The following NXPH1 variants were observed in gnomAD, a reference collection of about 807,000 sequenced individuals.
NXPH1 encodes the protein neurexophilin 1.
NXPH1 carries 5 observed loss-of-function variants against 23.7 expected under a neutral mutation model. The ratio of observed to expected loss-of-function variants is 0.21; its 90% CI spans 0.11 to 0.44. The LOEUF (loss-of-function observed/expected upper bound fraction) is 0.44. Among genes scored for constraint, NXPH1 ranks in the 20% least tolerant of loss-of-function variants. NXPH1 has a pLI of 0.99. For missense variants in NXPH1, 324 were observed against 321.6 expected, an observed-to-expected ratio of 1.01 and a Z score of -0.06; for synonymous variants, 144 against 122.2, an observed-to-expected ratio of 1.18 and a Z score of -1.18.
In NXPH1 at chr7:8,442,638, TCCGCTGACCAAAG is replaced by T. The variant is rs1816322245; in HGVS notation, c.54+6876_54+6888del. 6.6e-6 allele frequency among the ~76,000 whole-genome samples: 1 copy of T among 152,340 alleles called. No individual in the cohort carries two copies. Among genetic ancestry groups the T allele is most frequent in the East Asian group, 1.9e-4 (1 of 5,184 alleles). On this transcript the variant is annotated intron_variant, in intron 2 of 2. Coordinates refer to ENST00000405863, the MANE Select transcript of NXPH1 (RefSeq NM_152745.3). The surrounding 1 kb of genome is among the most constrained non-coding windows in gnomAD (Gnocchi z 4.6). ...TCATACCCTCCCTTCGGAAACTCAGTCCGCTGACCAAAGCCGCAGTGTTCAGGCCCCGGGGTTT... is the reference window on the plus strand; with the variant it reads ...TCATACCCTCCCTTCGGAAACTCAGTCCGCAGTGTTCAGGCCCCGGGGTTT...
intron 2 of NXPH1, among the ~76,000 whole-genome samples, chr7:8,594,280 A>G (rs1282390778): frequency 1.3e-5 from 2 of 152,010 alleles, no homozygotes; most frequent in Non-Finnish European, 2.9e-5. Flanking sequence ...AAGTGTTTTG[A>G]TATTTACCTT....
At chr7:8,626,320 T>C (rs892068881) in intron 2 of NXPH1, among the ~76,000 whole-genome samples, 1 of 152,142 alleles carries the variant, frequency 6.6e-6, no homozygotes, top group Non-Finnish European at 1.5e-5. Flanking sequence ...ACTGCAACTT[T>C]GTTGAACCTC....
rs78985915 is a variant in NXPH1 at position 8,563,348 on chromosome 7, T to C, written c.54+127581T>C. On this transcript the variant is annotated intron_variant, in intron 2 of 2. Transcript: ENST00000405863. ...TTCTGTAGGTTATATTCAGTCATTG[T>C]GTCTGAATTCTTAGAGCTCTTTGAG... Among the ~76,000 whole-genome samples, 489 of 151,896 alleles carry C rather than the reference T, an allele frequency of 3.2e-3. 3 individuals are homozygous for C. Among genetic ancestry groups the C allele is most frequent in the African/African-American group, 0.011 (463 of 41,520 alleles).
chr7:8,525,536 C>A (rs994036830), intron 2 of NXPH1, among the ~76,000 whole-genome samples: 5 of 152,156 alleles, frequency 3.3e-5, no homozygotes, highest in African/African-American at 4.8e-5. Context: ...TGTCAGATAA[C>A]TTCACCGCGG....
intron 2 of NXPH1, among the ~76,000 whole-genome samples, chr7:8,547,677 A>G (rs1818218006): frequency 6.6e-6 from 1 of 151,238 alleles, no homozygotes; most frequent in Non-Finnish European, 1.5e-5. Flanking sequence ...TGGAGTCTCC[A>G]TTGTCTACTA....
chr7:8,528,814 T>C (rs1229843378), intron 2 of NXPH1, among the ~76,000 whole-genome samples: 1 of 152,194 alleles, frequency 6.6e-6, no homozygotes, highest in Admixed American at 6.5e-5. Flanking sequence ...CAGAAGAGAG[T>C]ACATGAGTTT....
At chr7:8,735,938 A>T (rs1780246674) in intron 2 of NXPH1, among the ~76,000 whole-genome samples, 1 of 152,172 alleles carries the variant, frequency 6.6e-6, no homozygotes, top group African/African-American at 2.4e-5. Flanking sequence ...TGTTTATAGT[A>T]TTCTCTAATA....
At chr7:8,451,287 GATA>G (rs1053806261) in intron 2 of NXPH1, among the ~76,000 whole-genome samples, 10 of 152,000 alleles carry the variant, frequency 6.6e-5, no homozygotes, top group African/African-American at 2.4e-4. Context: ...TTGCAATTTG[GATA>G]ATAAGACCCT....
At chr7:8,706,137 A>G (rs934348695) in intron 2 of NXPH1, among the ~76,000 whole-genome samples, 6 of 152,166 alleles carry the variant, frequency 3.9e-5, no homozygotes, top group African/African-American at 1.4e-4. Flanking sequence ...AAGCTATGTC[A>G]ACTTCTGCAG....
intron 2 of NXPH1, among the ~76,000 whole-genome samples, chr7:8,745,169 C>G (rs1430869867): frequency 6.6e-6 from 1 of 152,336 alleles, no homozygotes; most frequent in Admixed American, 6.5e-5. Flanking sequence ...CCCTGGCGTT[C>G]AGCAGTAAGA....
intron 2 of NXPH1, among the ~76,000 whole-genome samples, chr7:8,605,182 G>C (rs903229085): frequency 2.0e-5 from 3 of 152,114 alleles, no homozygotes; most frequent in African/African-American, 7.2e-5. Flanking sequence ...GAAAATGAAA[G>C]GTGATATAAA....
intron 2 of NXPH1, among the ~76,000 whole-genome samples, chr7:8,569,247 A>G (rs1818603363): frequency 6.6e-6 from 1 of 151,836 alleles, no homozygotes; most frequent in African/African-American, 2.4e-5. Context: ...TTCTACATAA[A>G]TGTCATGAGA....
intron 2 of NXPH1, among the ~76,000 whole-genome samples, chr7:8,564,122 G>C (rs1818498758): frequency 6.6e-6 from 1 of 151,682 alleles, no homozygotes; most frequent in Non-Finnish European, 1.5e-5. Flanking sequence ...CATGCTTTTT[G>C]ACTATCTGCT....
chr7:8,457,271 T>C (rs542124345), intron 2 of NXPH1, among the ~76,000 whole-genome samples: 11 of 152,170 alleles, frequency 7.2e-5, no homozygotes, highest in Non-Finnish European at 1.5e-4. Context: ...TGTCTACTTC[T>C]CTGGTCTATG....
chr7:8,469,475 T>G (rs1203865066), intron 2 of NXPH1, among the ~76,000 whole-genome samples: 5 of 152,068 alleles, frequency 3.3e-5, no homozygotes. Context: ...GAGCGTCAAA[T>G]GTATATGTGC....
intron 2 of NXPH1, among the ~76,000 whole-genome samples, chr7:8,514,353 C>T (rs1199916021): frequency 6.6e-6 from 1 of 152,132 alleles, no homozygotes; most frequent in East Asian, 1.9e-4. Flanking sequence ...TTATTTTTCT[C>T]ATTTAAAAAA....
intron 2 of NXPH1, among the ~76,000 whole-genome samples, chr7:8,622,613 T>G (rs960882370): frequency 6.6e-6 from 1 of 152,218 alleles, no homozygotes; most frequent in African/African-American, 2.4e-5. Context: ...TAAGTCTCAT[T>G]CAAACTGAAA....
In NXPH1 at chr7:8,506,421, T is replaced by G. The variant is rs369197732; in HGVS notation, c.54+70654T>G. The stretch of plus-strand genomic sequence containing the variant: ...TAATATTTCCTTTATAGGATACTTG[T>G]GAAGATTAAGTGAGAAAAGATGTTT... On this transcript the variant is annotated intron_variant, in intron 2 of 2. Transcript: ENST00000405863. 3.5e-4 allele frequency among the ~76,000 whole-genome samples: 54 copies of G among 152,202 alleles called. No individual in the cohort carries two copies. The South Asian group carries it at 0.011, about 32-fold the overall frequency.
At chr7:8,604,485 T>G (rs188452266) in intron 2 of NXPH1, among the ~76,000 whole-genome samples, 6 of 152,258 alleles carry the variant, frequency 3.9e-5, no homozygotes, top group Non-Finnish European at 8.8e-5. Flanking sequence ...TTTCCTTTCT[T>G]TGTTACATAG....
Sources: gnomAD v4.1 joint callset for allele counts (sites outside exome capture counted in the v4.1 genomes callset) on GRCh38, gnomAD v4.1.1 for gene constraint, Gnocchi (gnomAD v3.1) non-coding constraint, MANE v1.5 for transcripts, NCBI Gene and HGNC (gene_info 2026-07-23, HGNC 2026-07-21) for gene names.